RAB6B: variants seen among roughly 807,000 people sequenced by gnomAD.
RAB6B encodes RAB6B, member RAS oncogene family, also known as ras-related protein Rab-6B.
In RAB6B, 7 loss-of-function variants were observed where a neutral mutation model predicts 31.2. The observed-to-expected ratio is 0.22, with a 90% confidence interval of 0.13 to 0.42. RAB6B has a LOEUF of 0.42. RAB6B is among the 10% of genes least tolerant of loss of function. RAB6B has a pLI of 1.00. For missense variants in RAB6B, 149 were observed against 280.6 expected, an observed-to-expected ratio of 0.53 and a Z score of 3.35; for synonymous variants, 105 against 104.9, an observed-to-expected ratio of 1.00 and a Z score of -0.01.
At chr3:133,889,046 A>G (rs944056676) in intron 1 of RAB6B, among the ~76,000 whole-genome samples, 7 of 152,186 alleles carry the variant, frequency 4.6e-5, no homozygotes, top group African/African-American at 1.7e-4. Flanking sequence ...AATGCCCATC[A>G]GCTTTCCCGG....
intron 1 of RAB6B, among the ~76,000 whole-genome samples, chr3:133,865,410 T>C (rs191357891): frequency 2.8e-4 from 42 of 152,362 alleles, no homozygotes; most frequent in African/African-American, 9.6e-4. Context: ...ATTGTAGAAT[T>C]TGGCTTCTGA....
chr3:133,858,106 C>G (rs1481598784), intron 2 of RAB6B, among the ~76,000 whole-genome samples: 1 of 152,138 alleles, frequency 6.6e-6, no homozygotes, highest in Non-Finnish European at 1.5e-5. Context: ...CATGGCGCAC[C>G]CTTCCTACCC....
In RAB6B at chr3:133,828,082, A is replaced by G; in HGVS notation, c.*706T>C. 2 of 673,744 alleles carry G rather than the reference A, an allele frequency of 3.0e-6. No individual in the cohort carries two copies. Among genetic ancestry groups the G allele is most frequent in the South Asian group, 3.2e-5 (2 of 62,136 alleles). 41.7% of individuals were successfully genotyped at this position (673,744 alleles called of 1,614,324 possible). On this transcript the variant is annotated 3_prime_UTR_variant, in exon 8 of 8. Transcript: ENST00000285208. The stretch of plus-strand genomic sequence containing the variant: ...CAACCCCCTTCAAGGCTTTTCAGGG[A>G]AAGAGAAGGAGAGGTGGGAGCAGTT...
At chr3:133,886,160 A>G (rs1319562234) in intron 1 of RAB6B, among the ~76,000 whole-genome samples, 1 of 152,128 alleles carries the variant, frequency 6.6e-6, no homozygotes, top group Non-Finnish European at 1.5e-5. Flanking sequence ...CAAGCCTTTC[A>G]CTGCCTGGGC....
In RAB6B at chr3:133,826,002, A is replaced by G. The variant is rs1016258563; in HGVS notation, c.*2786T>C. 5 of 152,258 alleles carry G rather than the reference A, an allele frequency of 3.3e-5. No homozygotes were observed. The highest frequency in any genetic ancestry group is 2.0e-4 in the Admixed American group (3 of 15,282). The allele number at this position is 152,258 out of a possible 1,614,324, so 9.4% of individuals were successfully genotyped here. The stretch of plus-strand genomic sequence containing the variant: ...ATTATGGAACCTTAACTCTGTGCCA[A>G]TTCTACCTGCAAGCAAGGGGACAGG... On this transcript the variant is annotated 3_prime_UTR_variant, in exon 8 of 8. Transcript: ENST00000285208.
intron 2 of RAB6B, 46 bp from the exon 3 acceptor site, chr3:133,841,709 C>T (rs762637860): frequency 6.3e-7 from 1 of 1,599,210 alleles, no homozygotes; most frequent in African/African-American, 1.3e-5. Context: ...AGGTCTCATG[C>T]AAAGGGGCAA....
At chr3:133,854,696 T>C (rs1394135028) in intron 2 of RAB6B, among the ~76,000 whole-genome samples, 1 of 152,252 alleles carries the variant, frequency 6.6e-6, no homozygotes, top group Non-Finnish European at 1.5e-5. Context: ...ATTTATCTTC[T>C]TCTGAACATG....
intron 1 of RAB6B, among the ~76,000 whole-genome samples, chr3:133,880,740 G>GCCTTGC (rs1936455856): frequency 6.6e-6 from 1 of 151,746 alleles, no homozygotes; most frequent in African/African-American, 2.4e-5. Flanking sequence ...GAGGGCACAG[G>GCCTTGC]CCCTGCCCCT....
Position 133,827,753 on chromosome 3 carries a change from C to CCCCCCCCCCCCCCCCCCCCCCCCCA in RAB6B, c.*1034_*1035insTGGGGGGGGGGGGGGGGGGGGGGGG. 1 of 89,898 alleles carries CCCCCCCCCCCCCCCCCCCCCCCCCA rather than the reference C, an allele frequency of 1.1e-5. No homozygotes were observed. The highest frequency in any genetic ancestry group is 3.5e-5 in the Non-Finnish European group (1 of 28,198). 5.6% of individuals were successfully genotyped at this position (89,898 alleles called of 1,614,324 possible). A position where few individuals can be genotyped will look rare whatever the true frequency, so the allele number is the denominator to read the frequency against. ...GGTGGTTCTGCAGACAACACCCCCCCCCCCCCCCGCCTCCCCATCACAGAG... is the reference window on the plus strand; with the variant it reads ...GGTGGTTCTGCAGACAACACCCCCCCCCCCCCCCCCCCCCCCCCCCCCCCACCCCCCCCGCCTCCCCATCACAGAG... On this transcript the variant is annotated 3_prime_UTR_variant, in exon 8 of 8. Transcript: ENST00000285208.
At position 133,895,651 on chromosome 3, in the gene RAB6B, G is replaced by C. The variant is rs1936700768; in HGVS notation, c.-185C>G. 4.1e-6 allele frequency: 2 copies of C among 491,994 alleles called. No individual in the cohort carries two copies. The highest frequency in any genetic ancestry group is 7.2e-6 in the Non-Finnish European group (2 of 277,184). 30.5% of individuals were successfully genotyped at this position (491,994 alleles called of 1,614,324 possible). A position where few individuals can be genotyped will look rare whatever the true frequency, so the allele number is the denominator to read the frequency against. On this transcript the variant is annotated 5_prime_UTR_variant, in exon 1 of 8. Transcript: ENST00000285208. ...GCCTGCGGCTGCGTGTCCGGCGGCG[G>C]AGGAGGAGGAGGAGAGAGAGGCGGA...
chr3:133,869,018 C>T (rs1936280221), intron 1 of RAB6B, among the ~76,000 whole-genome samples: 1 of 152,146 alleles, frequency 6.6e-6, no homozygotes, highest in Non-Finnish European at 1.5e-5. Flanking sequence ...AGCAAAGCGG[C>T]AGATCCCAAA....
Position 133,895,692 on chromosome 3 carries a change from G to C in RAB6B, c.-226C>G, listed in dbSNP as rs1445718102. 1.8e-6 allele frequency: 1 copy of C among 570,528 alleles called. No individual in the cohort carries two copies. Among genetic ancestry groups the C allele is most frequent in the African/African-American group, 2.0e-5 (1 of 50,630 alleles). The allele number at this position is 570,528 out of a possible 1,614,324, so 35.3% of individuals were successfully genotyped here. A position where few individuals can be genotyped will look rare whatever the true frequency, so the allele number is the denominator to read the frequency against. On this transcript the variant is annotated 5_prime_UTR_variant, in exon 1 of 8. Transcript: ENST00000285208. The stretch of plus-strand genomic sequence containing the variant: ...GAGAGGCGGAGGCGGAGGAAGGCTG[G>C]GGCTGGGCTGCTGCGGTCGGCACTG...
intron 1 of RAB6B, among the ~76,000 whole-genome samples, chr3:133,875,079 C>A (rs1459391967): frequency 6.6e-6 from 1 of 152,176 alleles, no homozygotes; most frequent in African/African-American, 2.4e-5. Flanking sequence ...CTAAACATAA[C>A]AACATAAAGT....
chr3:133,848,115 A>T (rs1478656009), intron 2 of RAB6B, among the ~76,000 whole-genome samples: 2 of 152,226 alleles, frequency 1.3e-5, no homozygotes, highest in Non-Finnish European at 2.9e-5. Context: ...GACTAAATAT[A>T]GTATATTCCA....
chr3:133,870,917 T>C (rs766343829), intron 1 of RAB6B, among the ~76,000 whole-genome samples: 5 of 152,222 alleles, frequency 3.3e-5, no homozygotes, highest in Non-Finnish European at 5.9e-5. Context: ...ATCCCACCAA[T>C]GCAGGGTGCA....
At chr3:133,891,829 C>G (rs1936641815) in intron 1 of RAB6B, among the ~76,000 whole-genome samples, 2 of 152,316 alleles carry the variant, frequency 1.3e-5, no homozygotes, top group Middle Eastern at 3.4e-3. Context: ...ATACCAGGGG[C>G]AGGGCAGGCA....
chr3:133,892,118 G>A (rs1048958619), intron 1 of RAB6B, among the ~76,000 whole-genome samples: 2 of 152,152 alleles, frequency 1.3e-5, no homozygotes, highest in African/African-American at 4.8e-5. Flanking sequence ...ACCTGCTCCT[G>A]CTTGTCTTCT....
chr3:133,824,913 C>CCTAA lies in RAB6B; in HGVS notation c.*3871_*3874dup, dbSNP rs1935533371. 1 of 152,140 alleles carries CCTAA rather than the reference C, an allele frequency of 6.6e-6. No homozygotes were observed. The highest frequency in any genetic ancestry group is 1.5e-5 in the Non-Finnish European group (1 of 68,030). 9.4% of individuals were successfully genotyped at this position (152,140 alleles called of 1,614,324 possible). A position where few individuals can be genotyped will look rare whatever the true frequency, so the allele number is the denominator to read the frequency against. ...GGAAACTTCACTGGTTCTGATCACT[C>CCTAA]CTAACTTGCTGGGTGATCTTAATAA... is the stretch of plus-strand genomic sequence containing the variant. On this transcript the variant is annotated 3_prime_UTR_variant, in exon 8 of 8. Transcript: ENST00000285208.
In RAB6B at chr3:133,828,712, C is replaced by T. The variant is rs1559897398; in HGVS notation, c.*76G>A. The T allele has an allele frequency of 3.4e-6, 5 of 1,465,456 alleles. No homozygotes were observed. Among genetic ancestry groups the T allele is most frequent in the African/African-American group, 2.8e-5 (2 of 71,828 alleles). 90.8% of individuals were successfully genotyped at this position (1,465,456 alleles called of 1,614,324 possible). ...CCATCTTGATAACTCGGTTCCCTCC[C>T]CCCTTAGGAAGCTAGCCAATAGGAA... is the stretch of plus-strand genomic sequence containing the variant. On this transcript the variant is annotated 3_prime_UTR_variant, in exon 8 of 8. Transcript: ENST00000285208.
Sources: gnomAD v4.1 joint callset for allele counts (sites outside exome capture counted in the v4.1 genomes callset) on GRCh38, gnomAD v4.1.1 for gene constraint, MANE v1.5 for transcripts, NCBI Gene and HGNC (gene_info 2026-07-23, HGNC 2026-07-21) for gene names.